Variants in TMEM108 observed in about 807,000 individuals in gnomAD.
TMEM108 encodes the protein transmembrane protein 108.
TMEM108 carries 12 observed loss-of-function variants against 35.1 expected under a neutral mutation model. That is an observed-to-expected ratio of 0.34 (90% CI 0.22 to 0.55). The LOEUF is 0.55. Among genes scored for constraint, TMEM108 ranks in the 20% least tolerant of loss-of-function variants. The probability of loss-of-function intolerance (pLI) is 0.89; values close to 1 mark genes in which losing one functional copy is unlikely to be tolerated. For missense variants in TMEM108, 680 were observed against 753.3 expected, an observed-to-expected ratio of 0.90 and a Z score of 1.14; for synonymous variants, 287 against 308.6, an observed-to-expected ratio of 0.93 and a Z score of 0.73.
At chr3:133,132,638 A>G (rs757340900) in intron 2 of TMEM108, among the ~76,000 whole-genome samples, 1 of 152,220 alleles carries the variant, frequency 6.6e-6, no homozygotes, top group Non-Finnish European at 1.5e-5. Context: ...CTGCTAATGC[A>G]ACATTCATTC....
intron 2 of TMEM108, among the ~76,000 whole-genome samples, chr3:133,205,286 G>A (rs1945736077): frequency 1.3e-5 from 2 of 152,108 alleles, no homozygotes; most frequent in South Asian, 4.1e-4. Context: ...TTTAATTGGG[G>A]CATTTAGCTG....
At chr3:133,066,727 A>G (rs1943612899) in intron 2 of TMEM108, among the ~76,000 whole-genome samples, 1 of 152,206 alleles carries the variant, frequency 6.6e-6, no homozygotes, top group Admixed American at 6.5e-5. Flanking sequence ...AATAAAGTGC[A>G]TACCCTCTGC....
chr3:133,191,589 A>G (rs142681192), intron 2 of TMEM108, among the ~76,000 whole-genome samples: 11 of 152,284 alleles, frequency 7.2e-5, no homozygotes, highest in African/African-American at 2.2e-4. Context: ...TATCACCTCT[A>G]TCTGGAACTC....
chr3:133,361,347 T>C (rs2107793828), intron 3 of TMEM108, among the ~76,000 whole-genome samples: 1 of 152,336 alleles, frequency 6.6e-6, no homozygotes, highest in South Asian at 2.1e-4. Context: ...TTTAGGCAAA[T>C]TACTTAATCC....
At chr3:133,364,124 T>A (rs1513373) in intron 3 of TMEM108, among the ~76,000 whole-genome samples, 48,304 of 152,058 alleles carry the variant, frequency 0.32, 8,173 homozygotes, top group East Asian at 0.47. Flanking sequence ...TCATTTTACT[T>A]GTGAGGAAAC....
Position 133,205,645 on chromosome 3 carries a change from G to A in TMEM108, c.-46-23621G>A, listed in dbSNP as rs1250152039. Among the ~76,000 whole-genome samples the A allele has an allele frequency of 2.6e-5, 4 of 152,328 alleles. No homozygotes were observed. In the East Asian group the frequency reaches 5.8e-4, roughly 22 times the overall value. ...ATTGATCCCCACTCTCTTCTGGCTT[G>A]TAGGGTTTCTGCTGAAAGATTGCTG... is the stretch of plus-strand genomic sequence containing the variant. On this transcript the variant is annotated intron_variant, in intron 2 of 5. Transcript: ENST00000321871.
intron 3 of TMEM108, among the ~76,000 whole-genome samples, chr3:133,255,450 C>T (rs1027567734): frequency 3.9e-5 from 6 of 151,922 alleles, no homozygotes; most frequent in Non-Finnish European, 7.4e-5. Context: ...TATCAATGTA[C>T]TAAAACAGAG....
chr3:133,102,640 TG>T (rs1944102598), intron 2 of TMEM108, among the ~76,000 whole-genome samples: 1 of 152,230 alleles, frequency 6.6e-6, no homozygotes, highest in Non-Finnish European at 1.5e-5. Context: ...TGGAAAATAT[TG>T]GATAAATGAA....
intron 3 of TMEM108, among the ~76,000 whole-genome samples, chr3:133,319,749 CA>C (rs1559903429): frequency 2.0e-5 from 3 of 152,166 alleles, no homozygotes; most frequent in Non-Finnish European, 4.4e-5. Context: ...CTGGTAGCCC[CA>C]CTGGGTTGCT....
chr3:133,224,427 T>C (rs1485426686), intron 2 of TMEM108, among the ~76,000 whole-genome samples: 1 of 152,208 alleles, frequency 6.6e-6, no homozygotes, highest in Non-Finnish European at 1.5e-5. Flanking sequence ...ATGTAGCATA[T>C]TGATACAGTT....
intron 4 of TMEM108, chr3:133,387,653 T>G: frequency 1.4e-6 from 1 of 731,356 alleles, no homozygotes; most frequent in Non-Finnish European, 1.7e-6. Flanking sequence ...AGAATAAGAA[T>G]GTAGGCTGGG....
chr3:133,187,340 A>T (rs1945435120), intron 2 of TMEM108, among the ~76,000 whole-genome samples: 1 of 152,204 alleles, frequency 6.6e-6, no homozygotes, highest in South Asian at 2.1e-4. Flanking sequence ...GTGTTTAGAA[A>T]CCATGAGAAG....
At position 133,229,348 on chromosome 3, in the gene TMEM108, T is replaced by C; in HGVS notation, c.37T>C (p.Leu13=). The C allele has an allele frequency of 4.3e-6, 7 of 1,612,986 alleles. No individual in the cohort carries two copies. Among genetic ancestry groups the C allele is most frequent in the Non-Finnish European group, 5.9e-6 (7 of 1,179,320 alleles). The change falls in exon 3 of 6, where the codon TTA becomes CTA. Residue 13 remains leucine, a synonymous_variant. Transcript: ENST00000321871. The part of the protein sequence containing the change: ...RSLQALYCQL[L]SFLLILALTE... ...TTTACAGGCCCTCTATTGCCAACTG[T>C]TAAGTAAGTTGACACTGTATTTCTT...
At chr3:133,249,805 T>C (rs949680152) in intron 3 of TMEM108, among the ~76,000 whole-genome samples, 4 of 152,140 alleles carry the variant, frequency 2.6e-5, no homozygotes, top group Admixed American at 2.0e-4. Context: ...ACTTCTGTGG[T>C]GAATAAATTT....
At chr3:133,299,222 A>G (rs998304023) in intron 3 of TMEM108, among the ~76,000 whole-genome samples, 2 of 152,134 alleles carry the variant, frequency 1.3e-5, no homozygotes, top group African/African-American at 4.8e-5. Flanking sequence ...CCGTAAAGCC[A>G]CTCTTCAAAT....
intron 1 of TMEM108, among the ~76,000 whole-genome samples, chr3:133,039,753 G>A (rs1016778100): frequency 6.6e-6 from 1 of 152,100 alleles, no homozygotes; most frequent in Non-Finnish European, 1.5e-5. Context: ...AACTCTTTCT[G>A]GTATGAGATG....
chr3:133,211,183 A>G (rs1945829623), intron 2 of TMEM108, among the ~76,000 whole-genome samples: 1 of 152,164 alleles, frequency 6.6e-6, no homozygotes, highest in Admixed American at 6.6e-5. Context: ...TCTTCAAAGC[A>G]TGCCTCTTGG....
intron 2 of TMEM108, among the ~76,000 whole-genome samples, chr3:133,216,140 G>A (rs1197213122): frequency 6.6e-6 from 1 of 151,816 alleles, no homozygotes; most frequent in African/African-American, 2.4e-5. Context: ...AAGTCAATCT[G>A]CATATCAAAT....
chr3:133,299,217 A>G (rs182111343), intron 3 of TMEM108, among the ~76,000 whole-genome samples: 11 of 152,330 alleles, frequency 7.2e-5, no homozygotes, highest in Admixed American at 2.6e-4. Context: ...GGCAGCCGTA[A>G]AGCCACTCTT....
Sources: allele counts gnomAD v4.1 joint callset (sites outside exome capture counted in the v4.1 genomes callset), GRCh38; gene constraint gnomAD v4.1.1; transcripts MANE v1.5; gene names NCBI Gene and HGNC (gene_info 2026-07-23, HGNC 2026-07-21).